Variants in CDH12 observed in about 807,000 individuals in gnomAD.
The protein encoded by CDH12 is cadherin-12.
Under a neutral mutation model 74.1 loss-of-function variants are expected in CDH12, and 41 were observed. The observed-to-expected ratio is 0.55, with a 90% confidence interval of 0.43 to 0.72. The LOEUF (loss-of-function observed/expected upper bound fraction) is 0.72, where lower values mean the gene tolerates loss of function less well. Ranked by LOEUF, CDH12 falls within the 30% of genes least tolerant of loss-of-function variation. The pLI is 0.00. For synonymous variants in CDH12, 399 were observed against 355.0 expected (o/e 1.12, Z -1.39); for missense variants, 945 against 977.2 (o/e 0.97, Z 0.44).
At chr5:22,798,303 T>C (rs1408315514) in intron 1 of CDH12, among the ~76,000 whole-genome samples, 2 of 152,270 alleles carry the variant, frequency 1.3e-5, no homozygotes, top group South Asian at 2.1e-4. Context: ...TTGGTAAATA[T>C]AGGCTACTTA....
chr5:21,836,471 A>T (rs1234740981), intron 8 of CDH12, among the ~76,000 whole-genome samples: 1 of 149,018 alleles, frequency 6.7e-6, no homozygotes, highest in Non-Finnish European at 1.5e-5. Flanking sequence ...AAACACACAC[A>T]CACACACACA....
chr5:22,793,210 T>C (rs1238375971), intron 1 of CDH12, among the ~76,000 whole-genome samples: 2 of 152,250 alleles, frequency 1.3e-5, no homozygotes, highest in African/African-American at 4.8e-5. Context: ...AGTGATCCAA[T>C]CTTTCAGAGA....
chr5:22,219,181 G>A (rs552504118), intron 3 of CDH12, among the ~76,000 whole-genome samples: 3 of 151,672 alleles, frequency 2.0e-5, no homozygotes, highest in South Asian at 2.1e-4. Flanking sequence ...CTATGACACC[G>A]CAGGTGACAA....
intron 5 of CDH12, among the ~76,000 whole-genome samples, chr5:22,006,560 T>C (rs895013678): frequency 6.6e-6 from 1 of 152,118 alleles, no homozygotes; most frequent in Non-Finnish European, 1.5e-5. Context: ...AATTTAACTG[T>C]GAAAACACCA....
chr5:21,795,479 G>A (rs2149913431), intron 10 of CDH12, among the ~76,000 whole-genome samples: 1 of 151,890 alleles, frequency 6.6e-6, no homozygotes, highest in East Asian at 1.9e-4. Context: ...ACTTGCGCTA[G>A]GCAATATTTT....
chr5:22,003,288 T>G (rs10059222), intron 5 of CDH12, among the ~76,000 whole-genome samples: 41,747 of 150,184 alleles, frequency 0.28, 5,598 homozygotes, highest in African/African-American at 0.44. Context: ...AGAGGTTTAT[T>G]TAACTGGAAT....
chr5:22,689,391 C>A (rs534535703), intron 1 of CDH12, among the ~76,000 whole-genome samples: 1 of 151,986 alleles, frequency 6.6e-6, no homozygotes, highest in African/African-American at 2.4e-5. Flanking sequence ...TTCTTAGAAC[C>A]CTTACAAGGA....
At chr5:21,940,620 A>G (rs1755286452) in intron 6 of CDH12, among the ~76,000 whole-genome samples, 1 of 152,194 alleles carries the variant, frequency 6.6e-6, no homozygotes, top group Non-Finnish European at 1.5e-5. Context: ...TATCCAATTA[A>G]TTGTAGTTTT....
intron 3 of CDH12, among the ~76,000 whole-genome samples, chr5:22,323,025 A>C (rs909200846): frequency 4.6e-5 from 7 of 152,186 alleles, no homozygotes; most frequent in Admixed American, 6.5e-5. Flanking sequence ...ATGACTTGTC[A>C]GGTAATAAGA....
intron 1 of CDH12, among the ~76,000 whole-genome samples, chr5:22,560,382 A>G (rs1202154985): frequency 6.6e-6 from 1 of 152,078 alleles, no homozygotes; most frequent in Non-Finnish European, 1.5e-5. Flanking sequence ...AGCTCTCTCA[A>G]GTATGAGAGT....
In CDH12 at chr5:22,762,886, A is replaced by G. The variant is rs138781307; in HGVS notation, c.-523+90172T>C. Among the ~76,000 whole-genome samples, 27 of 152,110 alleles carry G rather than the reference A, an allele frequency of 1.8e-4. No homozygotes were observed. The East Asian group carries it at 4.2e-3, about 24-fold the overall frequency. On this transcript the variant is annotated intron_variant, in intron 1 of 14. Transcript: ENST00000382254. ...AAGATCTTTTCTGCACACAAATTCT[A>G]AACTGCGATGTCATGAACTTTACAT... is the stretch of plus-strand genomic sequence containing the variant.
chr5:22,740,671 A>G (rs1175750013), intron 1 of CDH12, among the ~76,000 whole-genome samples: 1 of 152,150 alleles, frequency 6.6e-6, no homozygotes, highest in African/African-American at 2.4e-5. Flanking sequence ...AAACAGAATC[A>G]TGTACATTTT....
rs962870174 is a variant in CDH12 at position 22,827,914 on chromosome 5, C to T, written c.-523+25144G>A. On this transcript the variant is annotated intron_variant, in intron 1 of 14. Transcript: ENST00000382254. ...CTTCTTTGAGTTCTTATTCATTGGG[C>T]TTAGCATATTGTTAACAAGCACTCA... Among the ~76,000 whole-genome samples, 3 of 152,072 alleles carry T rather than the reference C, an allele frequency of 2.0e-5. No individual in the cohort carries two copies. The Middle Eastern group carries it at 0.01, about 524-fold the overall frequency.
chr5:22,540,443 A>G (rs951775891), intron 1 of CDH12, among the ~76,000 whole-genome samples: 1 of 152,116 alleles, frequency 6.6e-6, no homozygotes, highest in Non-Finnish European at 1.5e-5. Flanking sequence ...AAAGAGAAGG[A>G]TCACATTTTT....
At chr5:22,795,426 C>G (rs771856808) in intron 1 of CDH12, among the ~76,000 whole-genome samples, 3 of 151,998 alleles carry the variant, frequency 2.0e-5, no homozygotes, top group Non-Finnish European at 4.4e-5. Flanking sequence ...GGCAAAGCAT[C>G]TTTCCTGTAA....
intron 4 of CDH12, among the ~76,000 whole-genome samples, chr5:22,181,415 T>C (rs530812724): frequency 1.1e-4 from 16 of 152,266 alleles, no homozygotes; most frequent in African/African-American, 3.4e-4. Context: ...TCATCTTCTA[T>C]GGAAACATAA....
intron 1 of CDH12, among the ~76,000 whole-genome samples, chr5:22,588,456 C>T (rs142245211): frequency 2.4e-4 from 36 of 152,182 alleles, no homozygotes; most frequent in East Asian, 1.2e-3. Context: ...CCGAGCAATA[C>T]GACCTGCAAG....
chr5:22,525,948 A>C lies in CDH12; in HGVS notation c.-522-20584T>G, dbSNP rs1466828388. Among the ~76,000 whole-genome samples, 3 of 152,194 alleles carry C rather than the reference A, an allele frequency of 2.0e-5. No homozygotes were observed. In the East Asian group the frequency reaches 5.8e-4, roughly 29 times the overall value. ...AGTATATTAGTAGACAGAAACTTAC[A>C]GTATTTATCTCTTTGCATGATTCCT... On this transcript the variant is annotated intron_variant, in intron 1 of 14. Transcript: ENST00000382254.
At chr5:21,787,501 T>C (rs975368957) in intron 10 of CDH12, among the ~76,000 whole-genome samples, 1 of 152,198 alleles carries the variant, frequency 6.6e-6, no homozygotes, top group Non-Finnish European at 1.5e-5. Flanking sequence ...GACTATGGTA[T>C]AGTGTAAAGA....
Sources: allele counts gnomAD v4.1 joint callset (sites outside exome capture counted in the v4.1 genomes callset), GRCh38; gene constraint gnomAD v4.1.1; transcripts MANE v1.5; gene names NCBI Gene and HGNC (gene_info 2026-07-23, HGNC 2026-07-21).